Variants in PCID2 observed in about 807,000 individuals in gnomAD.
PCID2 encodes the protein PCI domain containing 2, also known as PCI domain-containing protein 2.
A neutral mutation model predicts 61.3 loss-of-function variants in PCID2; 41 were observed. The ratio of observed to expected loss-of-function variants is 0.67; its 90% CI spans 0.52 to 0.87. The LOEUF is 0.87. Among genes scored for constraint, PCID2 ranks in the 40% least tolerant of loss-of-function variants. PCID2 has a pLI of 0.00. For missense variants in PCID2, 392 were observed against 493.4 expected (o/e 0.79, Z 1.95); for synonymous variants, 187 against 177.8 (o/e 1.05, Z -0.41).
At chr13:113,174,463 A>C (rs962982745), downstream of PCID2, among the ~76,000 whole-genome samples, 1 of 152,184 alleles carries the variant, frequency 6.6e-6, no homozygotes, top group Non-Finnish European at 1.5e-5. Flanking sequence ...CAAAACAGTA[A>C]AACTCAAGAA....
chr13:113,168,057 C>T, the PCID2 span, among the ~76,000 whole-genome samples: 2 of 152,174 alleles, frequency 1.3e-5, no homozygotes. Flanking sequence ...CAATCATGCC[C>T]CATTCCTCCC....
chr13:113,191,284 C>T (rs1376858539), intron 6 of PCID2, among the ~76,000 whole-genome samples: 1 of 152,024 alleles, frequency 6.6e-6, no homozygotes, highest in Non-Finnish European at 1.5e-5. Context: ...TCCTCCCATC[C>T]TGGCCTCCGG....
intron 1 of PCID2, among the ~76,000 whole-genome samples, chr13:113,206,122 GCTCAA>G (rs1174127498): frequency 6.6e-6 from 1 of 152,196 alleles, no homozygotes; most frequent in Non-Finnish European, 1.5e-5. Context: ...AGAGGCAGAT[GCTCAA>G]CTCTTCTTCA....
chr13:113,197,356 G>A (rs1207619311), intron 3 of PCID2, 113 bp from the exon 4 acceptor site: 10 of 744,378 alleles, frequency 1.3e-5, no homozygotes, highest in Non-Finnish European at 2.1e-5. Context: ...TGAAAGGAGT[G>A]AAGGAAGAAA....
At chr13:113,177,448 T>C (rs1028842367), downstream of PCID2, 1 of 152,254 alleles carries the variant, frequency 6.6e-6, no homozygotes, top group African/African-American at 2.4e-5. Context: ...CTACACTTTA[T>C]TATAAAATAA....
intron 2 of PCID2, among the ~76,000 whole-genome samples, chr13:113,200,037 C>T (rs911488872): frequency 6.6e-6 from 1 of 152,214 alleles, no homozygotes; most frequent in African/African-American, 2.4e-5. Context: ...CCATGTACAA[C>T]CCCAGGCTGG....
Position 113,179,328 on chromosome 13 carries a change from G to T in PCID2, c.987-239C>A, listed in dbSNP as rs1011304616. Among the ~76,000 whole-genome samples, 2 of 148,730 alleles carry T rather than the reference G, an allele frequency of 1.3e-5. No homozygotes were observed. The highest frequency in any genetic ancestry group is 2.5e-5 in the African/African-American group (1 of 40,456). The stretch of plus-strand genomic sequence containing the variant: ...TTTCTAAGTATTTCATTAAGGTTCG[G>T]TTTTTTTTTTCACATTTTAATCTCC... On this transcript the variant is annotated intron_variant, in intron 12 of 13. Coordinates refer to ENST00000337344, the MANE Select transcript of PCID2 (RefSeq NM_001127202.4). This position sits in a 1 kb window ranked among gnomAD's most constrained non-coding sequence, Gnocchi z 4.3.
At chr13:113,185,823 C>T (rs905735956) in intron 7 of PCID2, 25 of 335,258 alleles carry the variant, frequency 7.5e-5, no homozygotes, top group Non-Finnish European at 1.0e-4. Context: ...CCTTCCTCCG[C>T]GGCACCAGCT....
chr13:113,205,226 T>G (rs952221096), intron 1 of PCID2, among the ~76,000 whole-genome samples: 1 of 152,128 alleles, frequency 6.6e-6, no homozygotes, highest in Non-Finnish European at 1.5e-5. Flanking sequence ...ATAAAGATGT[T>G]CACTACACCT....
downstream of PCID2, among the ~76,000 whole-genome samples, chr13:113,176,468 TA>T (rs2037187878): frequency 6.6e-6 from 1 of 152,298 alleles, no homozygotes; most frequent in Non-Finnish European, 1.5e-5. Flanking sequence ...TGTGGCCTTA[TA>T]AGAGGAAGAG....
rs530228124 is a variant in PCID2, at chr13:113,178,839, A to G, written c.1110+127T>C. ...TGGTGAATGGTATTTCCTGGGCTAA[A>G]ATTAGTTCTATCAAAAAAAAAGCAG... On this transcript the variant is annotated intron_variant, in intron 13 of 13. Transcript: ENST00000337344. 1.4e-3 allele frequency: 1,212 copies of G among 837,342 alleles called. 3 individuals carry two copies. The highest frequency in any genetic ancestry group is 2.1e-3 in the South Asian group (110 of 52,020). The allele number at this position is 837,342 out of a possible 1,614,324, so 51.9% of individuals were successfully genotyped here. A position where few individuals can be genotyped will look rare whatever the true frequency, so the allele number is the denominator to read the frequency against.
At chr13:113,172,094 A>C in the PCID2 span, 1 of 1,612,742 alleles carries the variant, frequency 6.2e-7, no homozygotes, top group Admixed American at 1.7e-5. Context: ...GTTTAAACAG[A>C]TCATGAACTA....
rs1595155289 is a variant in PCID2 at position 113,181,015 on chromosome 13, A to C, written c.786+115T>G. 7.1e-6 allele frequency: 5 copies of C among 708,734 alleles called. No individual in the cohort carries two copies. In the East Asian group the frequency reaches 1.3e-4, roughly 19 times the overall value. 43.9% of individuals were successfully genotyped at this position (708,734 alleles called of 1,614,324 possible). ...CTTCTTTATTTTGGGGTGTGCTCAT[A>C]CACAGCTCAGGCTGTGATCAACTAC... On this transcript the variant is annotated intron_variant, in intron 10 of 13. Coordinates refer to ENST00000337344, the MANE Select transcript of PCID2 (RefSeq NM_001127202.4).
Position 113,179,151 on chromosome 13 carries a change from G to A in PCID2, c.987-62C>T. ...ACAGGATGCAATACTCCACAGCCAA[G>A]AAAAGGCACCTCTTAATAAGCCGGT... On this transcript the variant is annotated intron_variant, in intron 12 of 13. Coordinates refer to ENST00000337344, the MANE Select transcript of PCID2 (RefSeq NM_001127202.4). This position sits in a 1 kb window ranked among gnomAD's most constrained non-coding sequence, Gnocchi z 4.3. 6.7e-7 allele frequency: 1 copy of A among 1,483,680 alleles called. No individual in the cohort carries two copies. The highest frequency in any genetic ancestry group is 9.2e-7 in the Non-Finnish European group (1 of 1,091,608). The allele number at this position is 1,483,680 out of a possible 1,614,324, so 91.9% of individuals were successfully genotyped here. A position where few individuals can be genotyped will look rare whatever the true frequency, so the allele number is the denominator to read the frequency against.
the PCID2 span, among the ~76,000 whole-genome samples, chr13:113,166,633 G>A: frequency 3.9e-5 from 6 of 152,202 alleles, no homozygotes; most frequent in African/African-American, 9.6e-5. Context: ...GATGGAAGGC[G>A]GGGATGGAAG....
chr13:113,171,596 T>G, the PCID2 span: 2 of 1,613,970 alleles, frequency 1.2e-6, no homozygotes, highest in African/African-American at 2.7e-5. The surrounding 1 kb of genome is among the most constrained non-coding windows in gnomAD (Gnocchi z 5.1). Flanking sequence ...GATTTCAGAT[T>G]TTAACAGAAC....
At chr13:113,200,877 G>A (rs571767495) in intron 1 of PCID2, among the ~76,000 whole-genome samples, 9 of 151,678 alleles carry the variant, frequency 5.9e-5, no homozygotes, top group Non-Finnish European at 5.9e-5. Flanking sequence ...CCAGGAGTTC[G>A]AGACCATCCT....
At chr13:113,180,451 T>C (rs560338701) in intron 10 of PCID2, among the ~76,000 whole-genome samples, 1 of 152,320 alleles carries the variant, frequency 6.6e-6, no homozygotes, top group East Asian at 1.9e-4. Flanking sequence ...ACACGTGACC[T>C]TGATCTTGAC....
Position 113,190,993 on chromosome 13 carries a change from C to G in PCID2, c.364-18G>C. On this transcript the variant is annotated intron_variant, in intron 6 of 13. Coordinates refer to ENST00000337344, the MANE Select transcript of PCID2 (RefSeq NM_001127202.4). ...TGATCTGCCTAATAAAATATAAGAA[C>G]TTTTATTTCATTTTTCCGAAGCAAG... 18 of 1,568,160 alleles carry G rather than the reference C, an allele frequency of 1.1e-5. No homozygotes were observed. Among genetic ancestry groups the G allele is most frequent in the Non-Finnish European group, 1.6e-5 (18 of 1,139,888 alleles).
Sources: gnomAD v4.1 joint callset for allele counts (sites outside exome capture counted in the v4.1 genomes callset) on GRCh38, gnomAD v4.1.1 for gene constraint, Gnocchi (gnomAD v3.1) non-coding constraint, MANE v1.5 for transcripts, NCBI Gene and HGNC (gene_info 2026-07-23, HGNC 2026-07-21) for gene names.